The following HS3ST5 variants were observed in gnomAD, a reference collection of about 807,000 sequenced individuals.
The protein encoded by HS3ST5 is heparan sulfate-glucosamine 3-sulfotransferase 5.
In HS3ST5, 10 loss-of-function variants were observed where a neutral mutation model predicts 25.4. That is an observed-to-expected ratio of 0.39 (90% CI 0.24 to 0.67). HS3ST5 has a LOEUF of 0.67. Ranked by LOEUF, HS3ST5 falls within the 30% of genes least tolerant of loss-of-function variation. The pLI is 0.44. For missense variants in HS3ST5, 324 were observed against 420.7 expected, an observed-to-expected ratio of 0.77 and a Z score of 2.01; for synonymous variants, 170 against 162.4, an observed-to-expected ratio of 1.05 and a Z score of -0.36.
intron 3 of HS3ST5, among the ~76,000 whole-genome samples, chr6:114,089,919 C>G (rs1199770352): frequency 6.6e-6 from 1 of 152,114 alleles, no homozygotes; most frequent in African/African-American, 2.4e-5. Flanking sequence ...TCTAATATAA[C>G]AATAATCGGA....
intron 3 of HS3ST5, among the ~76,000 whole-genome samples, chr6:114,115,852 C>T (rs1330666065): frequency 6.6e-6 from 1 of 151,978 alleles, no homozygotes; most frequent in Non-Finnish European, 1.5e-5. Context: ...GATCCAAAGG[C>T]TATTCCTAGC....
chr6:114,152,062 C>T (rs2114962255), intron 3 of HS3ST5, among the ~76,000 whole-genome samples: 1 of 152,144 alleles, frequency 6.6e-6, no homozygotes, highest in Non-Finnish European at 1.5e-5. Context: ...TCCTGGGTAG[C>T]TGGGACTACA....
At chr6:114,076,425 C>T (rs565806600) in intron 3 of HS3ST5, among the ~76,000 whole-genome samples, 53 of 152,276 alleles carry the variant, frequency 3.5e-4, no homozygotes, top group Non-Finnish European at 5.6e-4. Context: ...GCCTGAGGTA[C>T]ATTTTAATTT....
intron 1 of HS3ST5, among the ~76,000 whole-genome samples, chr6:114,327,270 G>C (rs1303136119): frequency 6.6e-6 from 1 of 152,104 alleles, no homozygotes. Flanking sequence ...ATCCTTTGTG[G>C]ATTCCCCATT....
At chr6:114,142,224 G>T (rs1181772477) in intron 3 of HS3ST5, among the ~76,000 whole-genome samples, 6 of 152,066 alleles carry the variant, frequency 3.9e-5, no homozygotes, top group African/African-American at 1.4e-4. Flanking sequence ...GAATTCTTTA[G>T]ACAGGGATAT....
intron 2 of HS3ST5, among the ~76,000 whole-genome samples, chr6:114,207,600 C>G (rs765223403): frequency 6.6e-6 from 1 of 152,070 alleles, no homozygotes; most frequent in Non-Finnish European, 1.5e-5. Flanking sequence ...TTATCCTGCT[C>G]TATAACTCAG....
intron 3 of HS3ST5, among the ~76,000 whole-genome samples, chr6:114,133,286 G>A (rs1777436417): frequency 1.3e-5 from 2 of 152,240 alleles, no homozygotes; most frequent in Admixed American, 6.5e-5. Context: ...CTGCCTCCAC[G>A]AAGTTCCAGG....
chr6:114,284,987 G>A lies in HS3ST5; in HGVS notation c.-338-56209C>T, dbSNP rs200275381. ...AGGGGCTAGGATATTCTATTTGTACGCTATTTTCAAGCAAATGCCATTTTT... is the reference window on the plus strand; with the variant it reads ...AGGGGCTAGGATATTCTATTTGTACACTATTTTCAAGCAAATGCCATTTTT... On this transcript the variant is annotated intron_variant, in intron 1 of 4. Transcript: ENST00000312719. 5.9e-5 allele frequency among the ~76,000 whole-genome samples: 9 copies of A among 152,024 alleles called. No individual in the cohort carries two copies. The East Asian group carries it at 9.7e-4, about 16-fold the overall frequency.
chr6:114,273,139 G>A (rs1431041847), intron 1 of HS3ST5, among the ~76,000 whole-genome samples: 2 of 152,124 alleles, frequency 1.3e-5, no homozygotes, highest in Non-Finnish European at 2.9e-5. Flanking sequence ...ATGCCATTGA[G>A]AGATTATTGT....
chr6:114,225,473 G>A (rs1263721803), intron 2 of HS3ST5, among the ~76,000 whole-genome samples: 1 of 151,810 alleles, frequency 6.6e-6, no homozygotes, highest in Non-Finnish European at 1.5e-5. Context: ...ATTTTAGGAT[G>A]AAGAAACAGG....
At chr6:114,082,836 T>C (rs1181372298) in intron 3 of HS3ST5, among the ~76,000 whole-genome samples, 3 of 152,186 alleles carry the variant, frequency 2.0e-5, no homozygotes, top group Non-Finnish European at 4.4e-5. Context: ...ACTCACCCCG[T>C]CATTCTCTTT....
At chr6:114,168,946 T>C (rs1779343452) in intron 2 of HS3ST5, among the ~76,000 whole-genome samples, 1 of 152,186 alleles carries the variant, frequency 6.6e-6, no homozygotes, top group Admixed American at 6.5e-5. Context: ...AGTTGCTGCT[T>C]CTTCCTAAAT....
intron 1 of HS3ST5, among the ~76,000 whole-genome samples, chr6:114,300,189 T>C (rs2114805883): frequency 6.6e-6 from 1 of 152,068 alleles, no homozygotes. Context: ...TGTGCTATAG[T>C]ATTTCAAAGG....
rs74343573 is a variant in HS3ST5 at position 114,140,664 on chromosome 6, C to T, written c.-33+27687G>A. On this transcript the variant is annotated intron_variant, in intron 3 of 4. Transcript: ENST00000312719. ...AGTGTCATGTTCAGATCTGCTCCAACGGTACACAGAAGAGCACGCTGGGCA... is the reference window on the plus strand; with the variant it reads ...AGTGTCATGTTCAGATCTGCTCCAATGGTACACAGAAGAGCACGCTGGGCA... Among the ~76,000 whole-genome samples, 1,399 of 152,290 alleles carry T rather than the reference C, an allele frequency of 9.2e-3. 11 individuals are homozygous for T. Among genetic ancestry groups the T allele is most frequent in the African/African-American group, 0.031 (1,307 of 41,552 alleles).
intron 3 of HS3ST5, among the ~76,000 whole-genome samples, chr6:114,096,407 G>T (rs1451956841): frequency 6.6e-6 from 1 of 152,042 alleles, no homozygotes; most frequent in African/African-American, 2.4e-5. Context: ...GTAAGTGTAC[G>T]CTTTTACCAG....
At chr6:114,295,024 T>A (rs1310649229) in intron 1 of HS3ST5, among the ~76,000 whole-genome samples, 1 of 152,172 alleles carries the variant, frequency 6.6e-6, no homozygotes. Context: ...GGTGAACACA[T>A]AATTAACAAG....
chr6:114,179,989 AG>A (rs139121390), intron 2 of HS3ST5, among the ~76,000 whole-genome samples: 9,489 of 152,228 alleles, frequency 0.062, 336 homozygotes, highest in Non-Finnish European at 0.075. Context: ...AGACTCAGCA[AG>A]TCATCTTCTT....
At chr6:114,076,240 C>T (rs1419202019) in intron 3 of HS3ST5, among the ~76,000 whole-genome samples, 1 of 152,164 alleles carries the variant, frequency 6.6e-6, no homozygotes, top group African/African-American at 2.4e-5. Flanking sequence ...TTTGTGTAAA[C>T]CACTTAACCC....
Position 114,084,430 on chromosome 6 carries a change from T to A in HS3ST5, c.-32-21553A>T, listed in dbSNP as rs1774653909. The stretch of plus-strand genomic sequence containing the variant: ...AGCAGCCTGCTCTTCTTTTTCAGTC[T>A]CTTCAGGATCTCTGTAGAAGTAGAG... On this transcript the variant is annotated intron_variant, in intron 3 of 4. Transcript: ENST00000312719. 4 of 756,220 alleles carry A rather than the reference T, an allele frequency of 5.3e-6. No homozygotes were observed. The South Asian group carries it at 5.4e-5, about 10-fold the overall frequency. The allele number at this position is 756,220 out of a possible 1,614,324, so 46.8% of individuals were successfully genotyped here.
Sources: allele counts gnomAD v4.1 joint callset (sites outside exome capture counted in the v4.1 genomes callset), GRCh38; gene constraint gnomAD v4.1.1; transcripts MANE v1.5; gene names NCBI Gene and HGNC (gene_info 2026-07-23, HGNC 2026-07-21).